ANKS1B: variants seen among roughly 807,000 people sequenced by gnomAD.
ANKS1B encodes the protein ankyrin repeat and sterile alpha motif domain-containing protein 1B.
Under a neutral mutation model 148.3 loss-of-function variants are expected in ANKS1B, and 36 were observed. The observed-to-expected ratio is 0.24, with a 90% CI of 0.19 to 0.32. The LOEUF (loss-of-function observed/expected upper bound fraction) is 0.32, where lower values mean the gene tolerates loss of function less well. Among genes scored for constraint, ANKS1B ranks in the 10% least tolerant of loss-of-function variants. The probability of loss-of-function intolerance (pLI) is 1.00; values close to 1 mark genes in which losing one functional copy is unlikely to be tolerated. For missense variants in ANKS1B, 1,157 were observed against 1,542.6 expected (o/e 0.75, Z 4.19); for synonymous variants, 542 against 560.8 (o/e 0.97, Z 0.47).
chr12:99,485,600 A>T lies in ANKS1B; in HGVS notation c.1438+18876T>A, dbSNP rs140918640. Among the ~76,000 whole-genome samples the T allele has an allele frequency of 7.2e-3, 1,088 of 152,154 alleles. 38 individuals are homozygous for T. The highest frequency in any genetic ancestry group is 0.051 in the Admixed American group (784 of 15,260). On this transcript the variant is annotated intron_variant, in intron 10 of 26. Coordinates refer to ENST00000683438, the MANE Select transcript of ANKS1B (RefSeq NM_001352186.2). ...TATTCCCTCAAATAAGTTTTCCTCA[A>T]TTATTCCCTCAAATAAGTTTTCCAG...
At chr12:99,841,686 A>T (rs2153697893) in intron 1 of ANKS1B, among the ~76,000 whole-genome samples, 1 of 152,212 alleles carries the variant, frequency 6.6e-6, no homozygotes, top group African/African-American at 2.4e-5. Flanking sequence ...TGACTTACTA[A>T]TATAGTCGAC....
intron 15 of ANKS1B, among the ~76,000 whole-genome samples, chr12:99,135,916 T>C (rs897958164): frequency 2.0e-5 from 3 of 152,100 alleles, no homozygotes; most frequent in African/African-American, 7.2e-5. Context: ...GATTAATGTG[T>C]GGCAGTCTCA....
chr12:99,000,829 C>G (rs1192615580), intron 17 of ANKS1B, among the ~76,000 whole-genome samples: 1 of 152,076 alleles, frequency 6.6e-6, no homozygotes, highest in African/African-American at 2.4e-5. Flanking sequence ...TTCTAGATAC[C>G]TCCTCAAAGT....
intron 1 of ANKS1B, among the ~76,000 whole-genome samples, chr12:99,889,699 T>C (rs1344929653): frequency 1.3e-5 from 2 of 152,216 alleles, no homozygotes; most frequent in African/African-American, 2.4e-5. Context: ...AATATAAGTT[T>C]GTGCTCACTT....
chr12:99,561,043 T>C lies in ANKS1B; in HGVS notation c.1273-56402A>G, dbSNP rs2097331293. On this transcript the variant is annotated intron_variant, in intron 9 of 26. Coordinates refer to ENST00000683438, the MANE Select transcript of ANKS1B (RefSeq NM_001352186.2). ...TTGTATTTTTAGTAGAGACGGGTTT[T>C]CACCGTGTTAGCCAGGATGGTCTCA... is the stretch of plus-strand genomic sequence containing the variant. 3.9e-5 allele frequency among the ~76,000 whole-genome samples: 6 copies of C among 152,126 alleles called. No individual in the cohort carries two copies. The South Asian group carries it at 1.2e-3, about 32-fold the overall frequency.
chr12:99,529,211 A>T lies in ANKS1B; in HGVS notation c.1273-24570T>A, dbSNP rs570246854. Among the ~76,000 whole-genome samples, 4 of 152,330 alleles carry T rather than the reference A, an allele frequency of 2.6e-5. No homozygotes were observed. In the East Asian group the frequency reaches 7.7e-4, roughly 29 times the overall value. ...AAATCCTCAAAAAAAGACCTAGATG[A>T]TCTAGATCAGAAGTCAACAAGAAGT... On this transcript the variant is annotated intron_variant, in intron 9 of 26. Transcript: ENST00000683438.
At chr12:99,036,859 C>T (rs1188679340) in intron 17 of ANKS1B, among the ~76,000 whole-genome samples, 9 of 152,146 alleles carry the variant, frequency 5.9e-5, no homozygotes, top group Non-Finnish European at 1.2e-4. Flanking sequence ...GAGTAATTGA[C>T]AAAGCCCTCT....
In ANKS1B at chr12:99,385,330, G is replaced by A. The variant is rs183116158; in HGVS notation, c.1756+14301C>T. Among the ~76,000 whole-genome samples the A allele has an allele frequency of 3.3e-3, 503 of 152,220 alleles. 1 individual carries two copies. Among genetic ancestry groups the A allele is most frequent in the African/African-American group, 0.012 (491 of 41,528 alleles). On this transcript the variant is annotated intron_variant, in intron 12 of 26. Transcript: ENST00000683438. Reference sequence around the variant, plus strand: ...CTAAAAATACAAAAATCAGCTGGGCGTGCTGGCACGTGCCTGTAGTCCCAG... The same window carrying A: ...CTAAAAATACAAAAATCAGCTGGGCATGCTGGCACGTGCCTGTAGTCCCAG...
At chr12:99,353,996 T>G (rs1267972131) in intron 12 of ANKS1B, among the ~76,000 whole-genome samples, 1 of 152,076 alleles carries the variant, frequency 6.6e-6, no homozygotes, top group East Asian at 1.9e-4. Context: ...TTTATGCAAA[T>G]TAACTTGATT....
At chr12:99,730,049 T>C (rs1164877290) in intron 8 of ANKS1B, among the ~76,000 whole-genome samples, 1 of 152,240 alleles carries the variant, frequency 6.6e-6, no homozygotes, top group Non-Finnish European at 1.5e-5. Context: ...ACAGTGGTTT[T>C]GGCAGGACTC....
intron 19 of ANKS1B, among the ~76,000 whole-genome samples, chr12:98,813,145 T>C (rs1253621522): frequency 6.6e-6 from 1 of 152,130 alleles, no homozygotes; most frequent in Non-Finnish European, 1.5e-5. Flanking sequence ...GAGAAAGAAA[T>C]ATAATACCAG....
At chr12:99,159,536 T>C (rs959832362) in intron 14 of ANKS1B, among the ~76,000 whole-genome samples, 1 of 152,216 alleles carries the variant, frequency 6.6e-6, no homozygotes, top group African/African-American at 2.4e-5. Context: ...GCTGCATCTA[T>C]GTTGCTGCAA....
chr12:98,878,249 C>T (rs185884403), intron 17 of ANKS1B, among the ~76,000 whole-genome samples: 2 of 150,740 alleles, frequency 1.3e-5, no homozygotes, highest in Non-Finnish European at 1.5e-5. Flanking sequence ...AAACACCTCA[C>T]TCTGGTTAGC....
chr12:99,461,406 G>A (rs1326293199), intron 10 of ANKS1B, among the ~76,000 whole-genome samples: 2 of 151,598 alleles, frequency 1.3e-5, no homozygotes, highest in Non-Finnish European at 2.9e-5. Context: ...AATACGAACT[G>A]TTTCCTAAAA....
At chr12:99,597,030 G>T (rs1438991614) in intron 9 of ANKS1B, among the ~76,000 whole-genome samples, 1 of 151,788 alleles carries the variant, frequency 6.6e-6, no homozygotes, top group Non-Finnish European at 1.5e-5. Flanking sequence ...AAATGACTAT[G>T]CAATTTTATA....
chr12:99,662,693 G>C (rs34420420), intron 8 of ANKS1B, among the ~76,000 whole-genome samples: 1,530 of 152,056 alleles, frequency 0.01, 32 homozygotes, highest in African/African-American at 0.035. Flanking sequence ...TTTCATGAAA[G>C]AATACATTTA....
chr12:99,415,145 T>C (rs1325081737), intron 11 of ANKS1B, among the ~76,000 whole-genome samples: 3 of 112,226 alleles, frequency 2.7e-5, no homozygotes, highest in Non-Finnish European at 5.8e-5. Context: ...ACCATGGAGT[T>C]TGTCCTCATA....
chr12:98,905,574 A>G (rs1038664725), intron 17 of ANKS1B, among the ~76,000 whole-genome samples: 1 of 152,112 alleles, frequency 6.6e-6, no homozygotes, highest in East Asian at 1.9e-4. Context: ...GTTTGAGACC[A>G]TCCTGGACAA....
intron 22 of ANKS1B, among the ~76,000 whole-genome samples, chr12:98,794,206 A>C (rs1244059030): frequency 6.6e-6 from 1 of 151,946 alleles, no homozygotes; most frequent in Non-Finnish European, 1.5e-5. Context: ...AGCCTGGCCA[A>C]CATGGTGAAA....
Sources: gnomAD v4.1 joint callset for allele counts (sites outside exome capture counted in the v4.1 genomes callset) on GRCh38, gnomAD v4.1.1 for gene constraint, MANE v1.5 for transcripts, NCBI Gene and HGNC (gene_info 2026-07-23, HGNC 2026-07-21) for gene names.